Variants in ATP2B4 observed in about 807,000 individuals in gnomAD.
ATP2B4 encodes plasma membrane calcium-transporting ATPase 4.
In ATP2B4, 39 loss-of-function variants were observed where a neutral mutation model predicts 110.3. The ratio of observed to expected loss-of-function variants is 0.35; its 90% CI spans 0.27 to 0.46. The LOEUF (loss-of-function observed/expected upper bound fraction) is 0.46. Among genes scored for constraint, ATP2B4 ranks in the 20% least tolerant of loss-of-function variants. ATP2B4 has a pLI of 1.00. For synonymous variants in ATP2B4, 538 were observed against 571.7 expected, an observed-to-expected ratio of 0.94 and a Z score of 0.84; for missense variants, 1,135 against 1,530.9, an observed-to-expected ratio of 0.74 and a Z score of 4.32.
chr1:203,662,359 G>A lies in ATP2B4; in HGVS notation c.-464-20383G>A, dbSNP rs1260798270. On this transcript the variant is annotated intron_variant, in intron 1 of 20. Coordinates refer to ENST00000357681, the MANE Select transcript of ATP2B4 (RefSeq NM_001684.5). Reference sequence around the variant, plus strand: ...CCATTTTTAAGTAGACCGTTCAGTGGTACTAACTACATTCCCAGTGTAGGT... The same window carrying A: ...CCATTTTTAAGTAGACCGTTCAGTGATACTAACTACATTCCCAGTGTAGGT... 8.5e-5 allele frequency among the ~76,000 whole-genome samples: 13 copies of A among 152,120 alleles called. No individual in the cohort carries two copies. In the South Asian group the frequency reaches 2.1e-3, roughly 24 times the overall value.
intron 20 of ATP2B4, among the ~76,000 whole-genome samples, chr1:203,735,033 A>C (rs1175394204): frequency 3.3e-5 from 5 of 151,836 alleles, no homozygotes; most frequent in African/African-American, 1.2e-4. Context: ...AAACGAAGAA[A>C]AAAAATCAAT....
intron 15 of ATP2B4, among the ~76,000 whole-genome samples, chr1:203,719,760 T>A (rs916577386): frequency 4.5e-5 from 6 of 133,348 alleles, no homozygotes; most frequent in Non-Finnish European, 7.7e-5. Flanking sequence ...ATAAATGTAA[T>A]ATATTCATGG....
Position 203,656,066 on chromosome 1 carries a change from ATTTT to A in ATP2B4, c.-464-26664_-464-26661del, listed in dbSNP as rs56042023. ...ATTACATGTGCCACCACGCCCAGCT[ATTTT>A]TTTTTTTTTTTGGTGATTATAGATT... On this transcript the variant is annotated intron_variant, in intron 1 of 20. Transcript: ENST00000357681. Among the ~76,000 whole-genome samples the A allele has an allele frequency of 9.5e-4, 139 of 146,976 alleles. 1 individual carries two copies. Among genetic ancestry groups the A allele is most frequent in the Middle Eastern group, 3.5e-3 (1 of 286 alleles).
intron 1 of ATP2B4, chr1:203,657,445 C>T (rs1026045616): frequency 7.7e-6 from 6 of 784,180 alleles, no homozygotes; most frequent in African/African-American, 3.4e-5. Context: ...TTGGAAAGTA[C>T]TTTGGCTCGA....
intron 20 of ATP2B4, chr1:203,729,544 CAAAAAAA>C (rs5780193): frequency 5.7e-6 from 2 of 351,604 alleles, no homozygotes; most frequent in South Asian, 2.0e-5. Flanking sequence ...GACTCTGTCT[CAAAAAAA>C]AAAAAAAAAA....
intron 19 of ATP2B4, 25 bp downstream of exon 19, chr1:203,724,013 T>G (rs1558052774): frequency 2.5e-6 from 4 of 1,582,462 alleles, no homozygotes; most frequent in Non-Finnish European, 2.6e-6. Context: ...ACCCTCCTGG[T>G]GCATTCTCAC....
chr1:203,730,037 A>G (rs1376104794), intron 20 of ATP2B4, among the ~76,000 whole-genome samples: 2 of 152,190 alleles, frequency 1.3e-5, no homozygotes, highest in Non-Finnish European at 2.9e-5. Context: ...AAAAAGTGGC[A>G]GAAAAGCTTG....
intron 1 of ATP2B4, among the ~76,000 whole-genome samples, chr1:203,677,136 CCTT>C (rs2102352840): frequency 6.6e-6 from 1 of 152,022 alleles, no homozygotes; most frequent in East Asian, 1.9e-4. Flanking sequence ...AAGGAGAGGT[CCTT>C]CTTATAGGGT....
intron 2 of ATP2B4, among the ~76,000 whole-genome samples, chr1:203,688,989 T>G (rs1335117588): frequency 2.0e-5 from 3 of 152,194 alleles, no homozygotes; most frequent in Non-Finnish European, 4.4e-5. Context: ...CCTTCTTGTT[T>G]GCTTGCTTCG....
chr1:203,719,005 A>G (rs1666238055), intron 15 of ATP2B4, among the ~76,000 whole-genome samples: 1 of 152,044 alleles, frequency 6.6e-6, no homozygotes, highest in Non-Finnish European at 1.5e-5. Context: ...GAGAAGGAGC[A>G]CTAGAAGCCA....
chr1:203,634,595 A>G (rs76876332), intron 1 of ATP2B4, among the ~76,000 whole-genome samples: 2,191 of 152,304 alleles, frequency 0.014, 60 homozygotes, highest in African/African-American at 0.05. Flanking sequence ...TGGTCTTAGC[A>G]TATCTTAGTT....
At chr1:203,635,426 T>C (rs1663409346) in intron 1 of ATP2B4, among the ~76,000 whole-genome samples, 3 of 152,200 alleles carry the variant, frequency 2.0e-5, no homozygotes, top group Admixed American at 2.0e-4. Context: ...CCACCATGGC[T>C]GGCTAATTTT....
chr1:203,698,485 A>C, intron 3 of ATP2B4, 131 bp downstream of exon 3: 1 of 952,128 alleles, frequency 1.1e-6, no homozygotes, highest in South Asian at 1.7e-5. Flanking sequence ...TGGGCTTTCC[A>C]AAGGAAACCA....
chr1:203,689,636 G>A (rs779935504), intron 2 of ATP2B4, among the ~76,000 whole-genome samples: 1 of 152,096 alleles, frequency 6.6e-6, no homozygotes, highest in Non-Finnish European at 1.5e-5. Flanking sequence ...AGATATTGAG[G>A]GCCTCCAATT....
Position 203,667,363 on chromosome 1 carries a change from A to G in ATP2B4, c.-464-15379A>G, listed in dbSNP as rs535734290. 3.3e-5 allele frequency among the ~76,000 whole-genome samples: 5 copies of G among 152,332 alleles called. No homozygotes were observed. The South Asian group carries it at 8.3e-4, about 25-fold the overall frequency. ...CTACAAGTACATTAGCAAAGGAGCA[A>G]TGTTCCCTGTAGGTTCTAGGGAGTG... On this transcript the variant is annotated intron_variant, in intron 1 of 20. Coordinates refer to ENST00000357681, the MANE Select transcript of ATP2B4 (RefSeq NM_001684.5).
At chr1:203,733,229 G>A (rs141349663) in intron 20 of ATP2B4, 9 of 1,611,614 alleles carry the variant, frequency 5.6e-6, no homozygotes, top group African/African-American at 2.7e-5. Context: ...GCAGATCGAC[G>A]TAATTAACAC....
intron 1 of ATP2B4, among the ~76,000 whole-genome samples, chr1:203,656,128 C>T (rs1321683496): frequency 6.6e-6 from 1 of 151,218 alleles, no homozygotes; most frequent in Non-Finnish European, 1.5e-5. Context: ...AAAGCCACAA[C>T]ATATCACAGA....
intron 1 of ATP2B4, among the ~76,000 whole-genome samples, chr1:203,670,970 C>T (rs996823700): frequency 6.6e-6 from 1 of 152,164 alleles, no homozygotes; most frequent in African/African-American, 2.4e-5. Context: ...ATGGAACAGT[C>T]TATGCAATTT....
intron 20 of ATP2B4, among the ~76,000 whole-genome samples, chr1:203,738,010 C>T (rs1376889374): frequency 6.6e-6 from 1 of 152,172 alleles, no homozygotes; most frequent in Non-Finnish European, 1.5e-5. Flanking sequence ...GGCTGACTCT[C>T]TGTATCCTCT....
Sources: gnomAD v4.1 joint callset for allele counts (sites outside exome capture counted in the v4.1 genomes callset) on GRCh38, gnomAD v4.1.1 for gene constraint, MANE v1.5 for transcripts, NCBI Gene and HGNC (gene_info 2026-07-23, HGNC 2026-07-21) for gene names.